The following WWOX variants were observed in gnomAD, a reference collection of about 807,000 sequenced individuals.
The protein encoded by WWOX is WW domain-containing oxidoreductase.
Under a neutral mutation model 46.2 loss-of-function variants are expected in WWOX, and 69 were observed. The ratio of observed to expected loss-of-function variants is 1.49; its 90% confidence interval spans 1.23 to 1.82. The LOEUF (loss-of-function observed/expected upper bound fraction) is 1.82, where lower values mean the gene tolerates loss of function less well. WWOX is among the 40% of genes most tolerant of loss of function. The pLI, the probability that WWOX is intolerant of heterozygous loss-of-function variation, is 0.00. For synonymous variants in WWOX, 359 were observed against 202.6 expected, an observed-to-expected ratio of 1.77 and a Z score of -6.56; for missense variants, 919 against 542.6, an observed-to-expected ratio of 1.69 and a Z score of -6.89.
At chr16:78,275,032 C>T (rs1047270282) in intron 5 of WWOX, among the ~76,000 whole-genome samples, 1 of 152,174 alleles carries the variant, frequency 6.6e-6, no homozygotes, top group South Asian at 2.1e-4. Context: ...TCAGCAAGCA[C>T]TGAGCTCCCA....
In WWOX at chr16:78,457,155, CT is replaced by C. The variant is rs552236004; in HGVS notation, c.1056+24409del. On this transcript the variant is annotated intron_variant, in intron 8 of 8. Coordinates refer to ENST00000566780, the MANE Select transcript of WWOX (RefSeq NM_016373.4). ...CTCTGATCGTGTCTGTGTCTGCACC[CT>C]TTTTTGTTTTGTTTCTGTTGTCTTC... 3.7e-4 allele frequency among the ~76,000 whole-genome samples: 56 copies of C among 152,312 alleles called. No homozygotes were observed. The South Asian group carries it at 5.6e-3, about 15-fold the overall frequency.
At chr16:78,582,097 C>G (rs933959661) in intron 8 of WWOX, among the ~76,000 whole-genome samples, 8 of 152,176 alleles carry the variant, frequency 5.3e-5, no homozygotes, top group African/African-American at 1.9e-4. Context: ...GGTTTCTCTG[C>G]TCTATAATCG....
Position 78,164,238 on chromosome 16 carries a change from C to T in WWOX, c.465C>T (p.Cys155=). 1 of 1,614,098 alleles carries T rather than the reference C, an allele frequency of 6.2e-7. No individual in the cohort carries two copies. The highest frequency in any genetic ancestry group is 2.2e-5 in the East Asian group (1 of 44,874). The part of the protein sequence containing the change: ...ALHGAHVILA[C]RNMARASEAV... Reference sequence around the variant, plus strand: ...ATGGTGCACATGTGATCTTGGCCTGCAGGAACATGGCAAGGGCGAGTGAAG... The same window carrying T: ...ATGGTGCACATGTGATCTTGGCCTGTAGGAACATGGCAAGGGCGAGTGAAG... Residue 155 remains cysteine (C), a synonymous_variant, in exon 5 of 9, where the codon TGC becomes TGT. Transcript: ENST00000566780.
intron 8 of WWOX, among the ~76,000 whole-genome samples, chr16:78,824,738 C>T (rs546213103): frequency 6.6e-5 from 10 of 152,174 alleles, no homozygotes; most frequent in South Asian, 6.2e-4. Flanking sequence ...CAGGAAAGAC[C>T]GGCCCACATG....
chr16:78,190,348 T>C (rs1000221962), intron 5 of WWOX, among the ~76,000 whole-genome samples: 2 of 152,228 alleles, frequency 1.3e-5, no homozygotes, highest in African/African-American at 4.8e-5. Flanking sequence ...AACAGTTCTT[T>C]TGACCACCTT....
At chr16:78,794,823 G>A (rs971611307) in intron 8 of WWOX, among the ~76,000 whole-genome samples, 3 of 152,246 alleles carry the variant, frequency 2.0e-5, no homozygotes, top group Non-Finnish European at 4.4e-5. Flanking sequence ...TGCAGACACA[G>A]GGCACAGAAC....
At chr16:79,114,449 C>T (rs1171414472) in intron 8 of WWOX, among the ~76,000 whole-genome samples, 2 of 151,160 alleles carry the variant, frequency 1.3e-5, no homozygotes, top group Admixed American at 6.6e-5. Context: ...CACACGTGTG[C>T]ACACACACAA....
chr16:78,180,813 A>T (rs550813922), intron 5 of WWOX, among the ~76,000 whole-genome samples: 1 of 152,286 alleles, frequency 6.6e-6, no homozygotes, highest in South Asian at 2.1e-4. Flanking sequence ...GCTGCACCCC[A>T]GAGCAGGTGT....
chr16:78,472,241 C>T (rs16947626), intron 8 of WWOX, among the ~76,000 whole-genome samples: 29,190 of 151,880 alleles, frequency 0.19, 5,737 homozygotes, highest in African/African-American at 0.5. Flanking sequence ...CTGTGACCTG[C>T]TGTCTTAATG....
intron 8 of WWOX, among the ~76,000 whole-genome samples, chr16:79,150,238 G>A (rs572729949): frequency 1.3e-5 from 2 of 152,160 alleles, no homozygotes; most frequent in African/African-American, 2.4e-5. Flanking sequence ...AACTGTCAAA[G>A]AGCAGCACTG....
At chr16:78,695,399 C>T (rs989845600) in intron 8 of WWOX, among the ~76,000 whole-genome samples, 1 of 152,124 alleles carries the variant, frequency 6.6e-6, no homozygotes, top group Non-Finnish European at 1.5e-5. Flanking sequence ...TCCTCTTGCC[C>T]TATTTGCCGT....
intron 8 of WWOX, among the ~76,000 whole-genome samples, chr16:78,671,305 G>C (rs2047457985): frequency 6.6e-6 from 1 of 152,146 alleles, no homozygotes; most frequent in Admixed American, 6.5e-5. Context: ...CATGCCTGTA[G>C]TCCCAGCTAC....
chr16:78,926,317 G>C (rs2045496636), intron 8 of WWOX, among the ~76,000 whole-genome samples: 1 of 151,442 alleles, frequency 6.6e-6, no homozygotes, highest in South Asian at 2.1e-4. Context: ...AGATTGCAGT[G>C]AGCCATGCTC....
At chr16:78,393,624 T>C (rs1245885883) in intron 6 of WWOX, among the ~76,000 whole-genome samples, 1 of 152,232 alleles carries the variant, frequency 6.6e-6, no homozygotes, top group East Asian at 1.9e-4. Flanking sequence ...AGATTGCAGT[T>C]ACTGGTCAGC....
chr16:78,790,533 C>G (rs149515395), intron 8 of WWOX, among the ~76,000 whole-genome samples: 135 of 152,276 alleles, frequency 8.9e-4, no homozygotes, highest in African/African-American at 3.1e-3. Context: ...CAAAAGAGAC[C>G]AGTATCTACT....
intron 8 of WWOX, among the ~76,000 whole-genome samples, chr16:78,889,425 A>G (rs11861122): frequency 0.28 from 40,815 of 144,842 alleles, 5,778 homozygotes; most frequent in African/African-American, 0.36. Context: ...AGAGTCTGCA[A>G]TGAAACGCGA....
intron 5 of WWOX, among the ~76,000 whole-genome samples, chr16:78,172,924 A>G (rs1163281080): frequency 6.6e-6 from 1 of 152,206 alleles, no homozygotes; most frequent in African/African-American, 2.4e-5. Context: ...ATTATTTAAG[A>G]GGGGAAAAAT....
intron 8 of WWOX, among the ~76,000 whole-genome samples, chr16:78,812,663 T>G (rs914595149): frequency 6.6e-6 from 1 of 151,918 alleles, no homozygotes; most frequent in African/African-American, 2.4e-5. Flanking sequence ...GAGGCGAAGG[T>G]TGCAGTGAGC....
At chr16:78,363,338 A>G (rs928794654) in intron 5 of WWOX, among the ~76,000 whole-genome samples, 4 of 151,254 alleles carry the variant, frequency 2.6e-5, no homozygotes, top group Non-Finnish European at 4.4e-5. Flanking sequence ...CAGTGGCGCG[A>G]TGACAGCCCA....
Sources: allele counts gnomAD v4.1 joint callset (sites outside exome capture counted in the v4.1 genomes callset), GRCh38; gene constraint gnomAD v4.1.1; transcripts MANE v1.5; gene names NCBI Gene and HGNC (gene_info 2026-07-23, HGNC 2026-07-21).